Variants in MALRD1 observed in about 807,000 individuals in gnomAD.
MALRD1 encodes MAM and LDL receptor class A domain containing 1.
In MALRD1, 247 loss-of-function variants were observed where a neutral mutation model predicts 242.1. The observed-to-expected ratio is 1.02, with a 90% confidence interval of 0.92 to 1.13. The LOEUF (loss-of-function observed/expected upper bound fraction) is 1.13. MALRD1 is among the 50% of genes most tolerant of loss of function. The pLI is 0.00. For synonymous variants in MALRD1, 995 were observed against 866.6 expected, an observed-to-expected ratio of 1.15 and a Z score of -2.60; for missense variants, 2,989 against 2,533.1, an observed-to-expected ratio of 1.18 and a Z score of -3.86.
intron 21 of MALRD1, among the ~76,000 whole-genome samples, chr10:19,311,154 C>G (rs1842408949): frequency 6.6e-6 from 1 of 151,364 alleles, no homozygotes; most frequent in Admixed American, 6.6e-5. Context: ...AATTAGTTCT[C>G]TTTTCTAAGC....
chr10:19,189,200 A>G lies in MALRD1; in HGVS notation c.1951+13872A>G, dbSNP rs116828325. On this transcript the variant is annotated intron_variant, in intron 14 of 39. Coordinates refer to ENST00000454679, the MANE Select transcript of MALRD1 (RefSeq NM_001142308.3). Reference sequence around the variant, plus strand: ...ATACAAATACATGCCACAAAATTGGATAACTTAAGTATAATAAACAGATTC... The same window carrying G: ...ATACAAATACATGCCACAAAATTGGGTAACTTAAGTATAATAAACAGATTC... Among the ~76,000 whole-genome samples the G allele has an allele frequency of 8.5e-3, 1,299 of 152,262 alleles. 14 individuals are homozygous for G. Among genetic ancestry groups the G allele is most frequent in the African/African-American group, 0.03 (1,232 of 41,570 alleles).
intron 36 of MALRD1, among the ~76,000 whole-genome samples, chr10:19,623,936 A>G (rs1461491671): frequency 6.6e-6 from 1 of 152,178 alleles, no homozygotes; most frequent in Non-Finnish European, 1.5e-5. Flanking sequence ...GCATAAATAT[A>G]TGAAAAAAAG....
At position 19,283,019 on chromosome 10, in the gene MALRD1, T is replaced by A; in HGVS notation, c.3257T>A (p.Val1086Asp). The change falls in exon 21 of 40, where the codon GTT becomes GAT. Residue 1086 changes from valine (V) to aspartate (D), a missense_variant and splice_region_variant. Val to Asp is a radical substitution (Grantham distance 152). Coordinates refer to ENST00000454679, the MANE Select transcript of MALRD1 (RefSeq NM_001142308.3). Reference sequence around the variant, plus strand: ...TTTTCTTTGTTCTACCCCATCCAAGTTATGGAAGTTTGCAGCTTTGAGAAA... The same window carrying A: ...TTTTCTTTGTTCTACCCCATCCAAGATATGGAAGTTTGCAGCTTTGAGAAA... Reference protein sequence around the residue: ...CPDKSDEASCVMEVCSFEKRS... With the variant: ...CPDKSDEASCDMEVCSFEKRS... 1.3e-6 allele frequency: 2 copies of A among 1,539,400 alleles called. No homozygotes were observed. Among genetic ancestry groups the A allele is most frequent in the Non-Finnish European group, 1.8e-6 (2 of 1,140,402 alleles).
At chr10:19,297,636 G>T (rs199698107) in intron 21 of MALRD1, among the ~76,000 whole-genome samples, 1 of 151,292 alleles carries the variant, frequency 6.6e-6, no homozygotes, top group Non-Finnish European at 1.5e-5. Context: ...TATTACTTTC[G>T]AAGGCATGTT....
In MALRD1 at chr10:19,163,137, T is replaced by TGAAAAAAAAAAAAAAA. The variant is rs1491309752; in HGVS notation, c.1657-2500_1657-2499insGAAAAAAAAAAAAAAA. 4.6e-5 allele frequency among the ~76,000 whole-genome samples: 2 copies of TGAAAAAAAAAAAAAAA among 43,836 alleles called. 1 individual carries two copies. The highest frequency in any genetic ancestry group is 7.0e-4 in the Admixed American group (2 of 2,860). The allele number at this position is 43,836 out of a possible 152,430, so 28.8% of individuals were successfully genotyped here. ...TGAACAACTGGAGTGAAACCCTGTC[T>TGAAAAAAAAAAAAAAA]AAAAAAAAAAAAAAAAAAAAAAAAA... On this transcript the variant is annotated intron_variant, in intron 12 of 39. Transcript: ENST00000454679.
At position 19,641,183 on chromosome 10, in the gene MALRD1, T is replaced by C. The variant is rs532347889; in HGVS notation, c.6137+25260T>C. ...GACAGCAAATATGGTAGGATGAATG[T>C]GACAAACAGCTAGATACATAGTGAC... On this transcript the variant is annotated intron_variant, in intron 36 of 39. Coordinates refer to ENST00000454679, the MANE Select transcript of MALRD1 (RefSeq NM_001142308.3). Among the ~76,000 whole-genome samples the C allele has an allele frequency of 5.3e-5, 8 of 152,266 alleles. No homozygotes were observed. In the South Asian group the frequency reaches 1.7e-3, roughly 32 times the overall value.
chr10:19,120,223 G>GA (rs978989188), intron 5 of MALRD1, among the ~76,000 whole-genome samples: 2 of 151,360 alleles, frequency 1.3e-5, no homozygotes, highest in African/African-American at 2.4e-5. Context: ...GAGAGACTGA[G>GA]AAAAAAAATA....
At chr10:19,644,562 A>C (rs937594440) in intron 36 of MALRD1, among the ~76,000 whole-genome samples, 3 of 152,266 alleles carry the variant, frequency 2.0e-5, no homozygotes, top group Admixed American at 6.5e-5. Flanking sequence ...TAAGCCATGA[A>C]ATGGATTTAA....
At chr10:19,061,399 T>C (rs1834818427) in intron 1 of MALRD1, among the ~76,000 whole-genome samples, 1 of 152,164 alleles carries the variant, frequency 6.6e-6, no homozygotes, top group Non-Finnish European at 1.5e-5. Flanking sequence ...AAAATTTCAA[T>C]AATTTTTCTT....
intron 12 of MALRD1, among the ~76,000 whole-genome samples, chr10:19,159,099 G>A (rs949537375): frequency 1.1e-4 from 16 of 152,104 alleles, no homozygotes; most frequent in African/African-American, 3.9e-4. Flanking sequence ...ATTTAAACCG[G>A]AAAAACAGAT....
intron 31 of MALRD1, among the ~76,000 whole-genome samples, chr10:19,529,543 A>AGG (rs372769420): frequency 9.4e-4 from 33 of 35,202 alleles, no homozygotes; most frequent in African/African-American, 3.0e-3. Flanking sequence ...AGAAAAAAAC[A>AGG]GGAGGGGGGG....
chr10:19,559,978 T>C (rs1835892166), intron 32 of MALRD1, among the ~76,000 whole-genome samples: 2 of 152,252 alleles, frequency 1.3e-5, no homozygotes, highest in Admixed American at 6.5e-5. Flanking sequence ...CATTAAAAAG[T>C]CAGGAAACAA....
At chr10:19,592,527 T>C (rs1837850062) in intron 33 of MALRD1, among the ~76,000 whole-genome samples, 1 of 152,136 alleles carries the variant, frequency 6.6e-6, no homozygotes, top group Admixed American at 6.5e-5. Context: ...AACACCTTGA[T>C]GTGGATGGAG....
At chr10:19,626,458 C>A (rs1431306257) in intron 36 of MALRD1, among the ~76,000 whole-genome samples, 2 of 151,708 alleles carry the variant, frequency 1.3e-5, no homozygotes, top group Non-Finnish European at 2.9e-5. Flanking sequence ...CCTAGGAAAT[C>A]CACACAAATG....
At chr10:19,171,684 A>ATATATGTC (rs1834966928) in intron 13 of MALRD1, among the ~76,000 whole-genome samples, 1 of 140,252 alleles carries the variant, frequency 7.1e-6, no homozygotes, top group Non-Finnish European at 1.6e-5. Flanking sequence ...ATACACACAT[A>ATATATGTC]TATGTGTGTA....
chr10:19,656,865 T>C (rs1162329814), intron 36 of MALRD1, among the ~76,000 whole-genome samples: 1 of 152,194 alleles, frequency 6.6e-6, no homozygotes, highest in East Asian at 1.9e-4. Flanking sequence ...TTTGCTGTAA[T>C]ACCTTTATTC....
At chr10:19,439,430 G>A (rs1426628262) in intron 28 of MALRD1, among the ~76,000 whole-genome samples, 1 of 152,000 alleles carries the variant, frequency 6.6e-6, no homozygotes, top group Non-Finnish European at 1.5e-5. Flanking sequence ...TCCTGATGGT[G>A]GGAGGCTGAG....
chr10:19,461,799 T>A (rs573348689), intron 29 of MALRD1, among the ~76,000 whole-genome samples: 1 of 152,254 alleles, frequency 6.6e-6, no homozygotes, highest in Non-Finnish European at 1.5e-5. Flanking sequence ...AGTCATGATC[T>A]CACCACTGCA....
intron 38 of MALRD1, among the ~76,000 whole-genome samples, chr10:19,705,232 C>T (rs980342843): frequency 1.3e-5 from 2 of 152,106 alleles, no homozygotes; most frequent in African/African-American, 4.8e-5. Flanking sequence ...CTAGTCTGCG[C>T]CCACCGATGA....
Sources: gnomAD v4.1 joint callset for allele counts (sites outside exome capture counted in the v4.1 genomes callset) on GRCh38, gnomAD v4.1.1 for gene constraint, MANE v1.5 for transcripts, NCBI Gene and HGNC (gene_info 2026-07-23, HGNC 2026-07-21) for gene names.